The following ENTREP2 variants were observed in gnomAD, a reference collection of about 807,000 sequenced individuals.
The protein encoded by ENTREP2 is endosomal transmembrane epsin interactor 2, also known as protein ENTREP2.
the ENTREP2 span, among the ~76,000 whole-genome samples, chr15:29,455,479 CA>C: frequency 6.6e-6 from 1 of 152,188 alleles, no homozygotes; most frequent in Non-Finnish European, 1.5e-5. Context: ...GTTACATGAT[CA>C]TACATATTTC....
the ENTREP2 span, among the ~76,000 whole-genome samples, chr15:29,435,760 A>G: frequency 1.3e-5 from 2 of 152,012 alleles, no homozygotes; most frequent in Non-Finnish European, 2.9e-5. Context: ...ATGGAACTCT[A>G]AAGATGCTCT....
the ENTREP2 span, among the ~76,000 whole-genome samples, chr15:29,629,514 T>C: frequency 2.0e-5 from 3 of 152,324 alleles, no homozygotes; most frequent in African/African-American, 7.2e-5. Context: ...ATATGAAGCA[T>C]ATCGCAGTCT....
the ENTREP2 span, among the ~76,000 whole-genome samples, chr15:29,311,326 C>T: frequency 6.6e-6 from 1 of 152,114 alleles, no homozygotes; most frequent in Admixed American, 6.6e-5. Context: ...AATTCATTGC[C>T]TTTGCTGTTG....
the ENTREP2 span, among the ~76,000 whole-genome samples, chr15:29,455,675 A>G: frequency 6.6e-6 from 1 of 152,194 alleles, no homozygotes; most frequent in Admixed American, 6.5e-5. Flanking sequence ...GCCACCGACC[A>G]GTATCAGTCC....
chr15:29,600,439 C>CATCATCAT, the ENTREP2 span, among the ~76,000 whole-genome samples: 1 of 141,700 alleles, frequency 7.1e-6, no homozygotes, highest in Non-Finnish European at 1.5e-5. Flanking sequence ...TTCTCTCCCA[C>CATCATCAT]CATCATCATC....
chr15:29,658,910 C>A, the ENTREP2 span, among the ~76,000 whole-genome samples: 901 of 152,314 alleles, frequency 5.9e-3, 16 homozygotes, highest in African/African-American at 0.02. Flanking sequence ...AGGTGATAAA[C>A]AACCAAGAGG....
the ENTREP2 span, among the ~76,000 whole-genome samples, chr15:29,354,687 AG>A: frequency 1.3e-5 from 2 of 152,186 alleles, no homozygotes; most frequent in Admixed American, 6.5e-5. Context: ...ATGATAGAAA[AG>A]GAAGAGATGA....
At chr15:29,367,057 G>A in the ENTREP2 span, among the ~76,000 whole-genome samples, 1 of 152,150 alleles carries the variant, frequency 6.6e-6, no homozygotes, top group Non-Finnish European at 1.5e-5. Context: ...GAATGAAATG[G>A]TTAGAATCAA....
chr15:29,379,351 T>C, the ENTREP2 span, among the ~76,000 whole-genome samples: 11 of 152,322 alleles, frequency 7.2e-5, no homozygotes, highest in Non-Finnish European at 1.6e-4. Flanking sequence ...TGCCCTGAAC[T>C]GAGCCACTGA....
At chr15:29,605,830 A>G in the ENTREP2 span, among the ~76,000 whole-genome samples, 2 of 152,122 alleles carry the variant, frequency 1.3e-5, no homozygotes, top group Non-Finnish European at 2.9e-5. Context: ...GTGAGACACC[A>G]TATCAAAAGA....
chr15:29,629,232 C>T, the ENTREP2 span, among the ~76,000 whole-genome samples: 2 of 152,010 alleles, frequency 1.3e-5, no homozygotes, highest in African/African-American at 2.4e-5. Context: ...TTTTTTAATC[C>T]ATTCTTCCAA....
the ENTREP2 span, chr15:29,610,420 G>T: frequency 6.6e-6 from 1 of 150,638 alleles, no homozygotes; most frequent in Non-Finnish European, 1.5e-5. Flanking sequence ...ACACTGCGAT[G>T]CTTCATTCCT....
chr15:29,570,409 T>A, the ENTREP2 span: 32 of 772,138 alleles, frequency 4.1e-5, no homozygotes, highest in Middle Eastern at 5.1e-4. Flanking sequence ...CCGCCGGAAC[T>A]TGCCGCCCGC....
At chr15:29,554,763 T>A in the ENTREP2 span, among the ~76,000 whole-genome samples, 471 of 118,430 alleles carry the variant, frequency 4.0e-3, 1 homozygote, top group Middle Eastern at 0.012. Flanking sequence ...TCTCACCTAC[T>A]GCTGTGGGGT....
chr15:29,274,681 TGTA>T, the ENTREP2 span, among the ~76,000 whole-genome samples: 1 of 152,142 alleles, frequency 6.6e-6, no homozygotes, highest in South Asian at 2.1e-4. Context: ...TACACAAAGT[TGTA>T]TATACTGCAG....
the ENTREP2 span, among the ~76,000 whole-genome samples, chr15:29,597,039 T>A: frequency 6.6e-6 from 1 of 151,358 alleles, no homozygotes; most frequent in African/African-American, 2.4e-5. Context: ...AAATCCCCCA[T>A]AGGGTTTTGC....
At chr15:29,179,917 T>C in the ENTREP2 span, among the ~76,000 whole-genome samples, 9 of 152,040 alleles carry the variant, frequency 5.9e-5, no homozygotes, top group Non-Finnish European at 1.2e-4. Flanking sequence ...GAGTGGCCAG[T>C]GCAGAGATGG....
the ENTREP2 span, among the ~76,000 whole-genome samples, chr15:29,525,582 G>C: frequency 6.6e-6 from 1 of 152,230 alleles, no homozygotes; most frequent in Non-Finnish European, 1.5e-5. Context: ...CTAGGCACAT[G>C]AAACAACATG....
the ENTREP2 span, among the ~76,000 whole-genome samples, chr15:29,292,451 G>A: frequency 6.6e-6 from 1 of 151,618 alleles, no homozygotes; most frequent in Non-Finnish European, 1.5e-5. Context: ...CACGGTCTTA[G>A]CTCACTGCAA....
Sources: allele counts gnomAD v4.1 joint callset (sites outside exome capture counted in the v4.1 genomes callset), GRCh38; gene constraint gnomAD v4.1.1; transcripts MANE v1.5; gene names NCBI Gene and HGNC (gene_info 2026-07-23, HGNC 2026-07-21).